The following PDK1 variants were observed in gnomAD, a reference collection of about 807,000 sequenced individuals.
The protein encoded by PDK1 is [Pyruvate dehydrogenase (acetyl-transferring)] kinase isozyme 1, mitochondrial.
A neutral mutation model predicts 54.2 loss-of-function variants in PDK1; 39 were observed. That is an observed-to-expected ratio of 0.72 (90% CI 0.56 to 0.94). The LOEUF (loss-of-function observed/expected upper bound fraction) is 0.94. PDK1 is among the 40% of genes least tolerant of loss of function. PDK1 has a pLI of 0.00. For missense variants in PDK1, 552 were observed against 566.0 expected (o/e 0.98, Z 0.25); for synonymous variants, 221 against 207.1 (o/e 1.07, Z -0.58).
At chr2:172,562,443 G>C (rs750453042) in intron 3 of PDK1, 152 bp downstream of exon 3, 108 of 634,956 alleles carry the variant, frequency 1.7e-4, no homozygotes, top group Non-Finnish European at 2.7e-4. Context: ...CAGCAAATTT[G>C]ACTAGGCATA....
At chr2:172,647,047 C>G in the PDK1 span, among the ~76,000 whole-genome samples, 1 of 151,962 alleles carries the variant, frequency 6.6e-6, no homozygotes, top group Non-Finnish European at 1.5e-5. Context: ...TAACGTGTTC[C>G]CAGGTGATGA....
chr2:172,643,789 T>A, the PDK1 span, among the ~76,000 whole-genome samples: 93,754 of 152,068 alleles, frequency 0.62, 30,657 homozygotes, highest in Non-Finnish European at 0.74. Context: ...CTCTGAGGAG[T>A]TCAATAATTC....
At chr2:172,663,132 G>A in the PDK1 span, among the ~76,000 whole-genome samples, 1 of 152,222 alleles carries the variant, frequency 6.6e-6, no homozygotes, top group Non-Finnish European at 1.5e-5. Context: ...TGAGGTCAAA[G>A]TATCAACAGG....
intron 2 of PDK1, among the ~76,000 whole-genome samples, chr2:172,560,999 C>T (rs1171059616): frequency 6.6e-6 from 1 of 151,994 alleles, no homozygotes; most frequent in Non-Finnish European, 1.5e-5. Context: ...GATCTAATCG[C>T]AATTTAAAAA....
chr2:172,699,072 T>C, the PDK1 span, among the ~76,000 whole-genome samples: 2 of 152,224 alleles, frequency 1.3e-5, no homozygotes, highest in African/African-American at 4.8e-5. Context: ...CAAAAGCACA[T>C]TAACATATGT....
At chr2:172,645,628 C>T in the PDK1 span, among the ~76,000 whole-genome samples, 1 of 152,126 alleles carries the variant, frequency 6.6e-6, no homozygotes, top group Non-Finnish European at 1.5e-5. Flanking sequence ...AACGCCACTA[C>T]TGAAAGAGGA....
chr2:172,630,148 G>A, the PDK1 span, among the ~76,000 whole-genome samples: 3 of 152,108 alleles, frequency 2.0e-5, no homozygotes, highest in Admixed American at 2.0e-4. Context: ...TCCAATTTTA[G>A]CAATACTATC....
chr2:172,564,276 G>A (rs1688816855), intron 3 of PDK1: 2 of 556,678 alleles, frequency 3.6e-6, no homozygotes, highest in South Asian at 4.4e-5. Flanking sequence ...AGGAAGCCAA[G>A]AAAAGAATTA....
chr2:172,582,847 G>A (rs555850744), intron 8 of PDK1, among the ~76,000 whole-genome samples: 1 of 152,248 alleles, frequency 6.6e-6, no homozygotes, highest in Admixed American at 6.5e-5. Flanking sequence ...CTATTCCTGT[G>A]GCTTAGTTTG....
the PDK1 span, among the ~76,000 whole-genome samples, chr2:172,620,221 A>G: frequency 2.6e-5 from 4 of 152,190 alleles, no homozygotes; most frequent in Admixed American, 6.5e-5. Flanking sequence ...GGTCAGACAA[A>G]GGCTGTTGAA....
intron 8 of PDK1, among the ~76,000 whole-genome samples, chr2:172,583,402 T>G (rs1441034297): frequency 1.3e-5 from 2 of 150,668 alleles, no homozygotes; most frequent in African/African-American, 4.9e-5. Context: ...CAAGAGATTC[T>G]TGTGCCTCAG....
At chr2:172,571,686 T>C (rs1689266497) in intron 8 of PDK1, among the ~76,000 whole-genome samples, 1 of 152,108 alleles carries the variant, frequency 6.6e-6, no homozygotes, top group African/African-American at 2.4e-5. Flanking sequence ...TTTAAGAGTA[T>C]GATAGTGTTT....
downstream of PDK1, among the ~76,000 whole-genome samples, chr2:172,608,915 G>A (rs2149328140): frequency 6.6e-6 from 1 of 152,136 alleles, no homozygotes; most frequent in Non-Finnish European, 1.5e-5. Flanking sequence ...TCAGGACGTT[G>A]GTAATTGGAT....
chr2:172,697,949 A>ATTTACCAT, the PDK1 span, among the ~76,000 whole-genome samples: 1 of 152,344 alleles, frequency 6.6e-6, no homozygotes, highest in South Asian at 2.1e-4. Flanking sequence ...CAACTGTCAG[A>ATTTACCAT]AGCATCTCAC....
At chr2:172,622,121 TTA>T in the PDK1 span, among the ~76,000 whole-genome samples, 2,185 of 123,114 alleles carry the variant, frequency 0.018, 99 homozygotes, top group African/African-American at 0.071. Context: ...TGAGATATGT[TTA>T]TATCTCATAT....
the PDK1 span, among the ~76,000 whole-genome samples, chr2:172,665,558 G>A: frequency 1.1e-4 from 16 of 152,152 alleles, no homozygotes; most frequent in Non-Finnish European, 2.4e-4. Flanking sequence ...AGAGGCAGGT[G>A]GCTATGCTGT....
At chr2:172,638,391 C>T in the PDK1 span, among the ~76,000 whole-genome samples, 1 of 152,200 alleles carries the variant, frequency 6.6e-6, no homozygotes, top group African/African-American at 2.4e-5. Flanking sequence ...AATCCTCCTT[C>T]CTATGAAGTC....
chr2:172,688,985 A>G, the PDK1 span, among the ~76,000 whole-genome samples: 4 of 152,154 alleles, frequency 2.6e-5, no homozygotes, highest in African/African-American at 9.7e-5. Flanking sequence ...CCAAAGAGTG[A>G]GCAGCAGCAA....
At chr2:172,684,869 C>A in the PDK1 span, among the ~76,000 whole-genome samples, 1 of 152,198 alleles carries the variant, frequency 6.6e-6, no homozygotes, top group Non-Finnish European at 1.5e-5. Flanking sequence ...CTATCCAAAT[C>A]TCATCTTGAA....
Sources: allele counts gnomAD v4.1 joint callset (sites outside exome capture counted in the v4.1 genomes callset), GRCh38; gene constraint gnomAD v4.1.1; transcripts MANE v1.5; gene names NCBI Gene and HGNC (gene_info 2026-07-23, HGNC 2026-07-21).